PICALM: variants seen among roughly 807,000 people sequenced by gnomAD.
PICALM encodes the protein phosphatidylinositol-binding clathrin assembly protein.
A neutral mutation model predicts 80.5 loss-of-function variants in PICALM; 40 were observed. The ratio of observed to expected loss-of-function variants is 0.50; its 90% confidence interval spans 0.39 to 0.65. The LOEUF is 0.65. Ranked by LOEUF, PICALM falls within the 30% of genes least tolerant of loss-of-function variation. The pLI is 0.00. For missense variants in PICALM, 676 were observed against 778.9 expected, an observed-to-expected ratio of 0.87 and a Z score of 1.57; for synonymous variants, 288 against 260.3, an observed-to-expected ratio of 1.11 and a Z score of -1.02.
chr11:85,988,688 GAA>G (rs2094660428), intron 13 of PICALM, among the ~76,000 whole-genome samples: 1 of 151,976 alleles, frequency 6.6e-6, no homozygotes, highest in Admixed American at 6.6e-5. Context: ...AGAAAAAAAA[GAA>G]AGAGAAGAGG....
intron 19 of PICALM, among the ~76,000 whole-genome samples, chr11:85,963,358 T>C (rs74439283): frequency 0.029 from 4,418 of 151,912 alleles, 220 homozygotes; most frequent in African/African-American, 0.1. Context: ...CTATCACAAA[T>C]AAAATTAAAA....
intron 1 of PICALM, among the ~76,000 whole-genome samples, chr11:86,063,331 C>G (rs183336550): frequency 2.6e-5 from 4 of 151,418 alleles, no homozygotes; most frequent in Admixed American, 2.6e-4. Flanking sequence ...TCAAAGACAC[C>G]TTTAAAAATT....
rs559836980 is a variant in PICALM, at chr11:86,000,945, C to T, written c.1017+90G>A. ...AGTTTCAGCCCATTAGGTAGCTATACATTTAAGACTCTAAGTCTGTGCAGA... is the reference window on the plus strand; with the variant it reads ...AGTTTCAGCCCATTAGGTAGCTATATATTTAAGACTCTAAGTCTGTGCAGA... On this transcript the variant is annotated intron_variant, in intron 10 of 19. Transcript: ENST00000393346. 6 of 1,520,900 alleles carry T rather than the reference C, an allele frequency of 3.9e-6. No individual in the cohort carries two copies. The African/African-American group carries it at 5.5e-5, about 14-fold the overall frequency. 94.2% of individuals were successfully genotyped at this position (1,520,900 alleles called of 1,614,324 possible). A position where few individuals can be genotyped will look rare whatever the true frequency, so the allele number is the denominator to read the frequency against.
intron 1 of PICALM, among the ~76,000 whole-genome samples, chr11:86,062,737 T>C (rs1033842539): frequency 8.5e-5 from 13 of 152,198 alleles, no homozygotes; most frequent in African/African-American, 3.1e-4. Context: ...AGATTCTCTT[T>C]TAAAGAACTA....
chr11:86,049,527 G>C (rs2137287286), intron 1 of PICALM, among the ~76,000 whole-genome samples: 1 of 152,070 alleles, frequency 6.6e-6, no homozygotes, highest in East Asian at 1.9e-4. Flanking sequence ...GTTAATTGGA[G>C]AAATTCATTT....
At chr11:86,064,017 A>G (rs597446) in intron 1 of PICALM, among the ~76,000 whole-genome samples, 91,497 of 151,968 alleles carry the variant, frequency 0.6, 27,734 homozygotes, top group East Asian at 0.67. Context: ...ACGCAAACTA[A>G]GCACCCATAA....
At chr11:86,009,363 T>A (rs1208153576) in intron 7 of PICALM, among the ~76,000 whole-genome samples, 1 of 137,496 alleles carries the variant, frequency 7.3e-6, no homozygotes, top group Non-Finnish European at 1.5e-5. Context: ...TAAGAATAAG[T>A]TAACAGCAGA....
At chr11:86,039,209 A>C (rs1401863835) in intron 1 of PICALM, among the ~76,000 whole-genome samples, 1 of 152,122 alleles carries the variant, frequency 6.6e-6, no homozygotes, top group Non-Finnish European at 1.5e-5. Flanking sequence ...TGAATGGACT[A>C]AGATTCCCAC....
chr11:86,031,447 G>C, intron 2 of PICALM, 22 bp downstream of exon 2: 1 of 1,590,632 alleles, frequency 6.3e-7, no homozygotes, highest in Non-Finnish European at 8.6e-7. Context: ...CAGTATACTT[G>C]TTCAATAAAA....
At position 85,974,780 on chromosome 11, in the gene PICALM, C is replaced by T. The variant is rs769473917; in HGVS notation, c.1872G>A (p.Thr624=). 14 of 1,613,410 alleles carry T rather than the reference C, an allele frequency of 8.7e-6. No individual in the cohort carries two copies. The highest frequency in any genetic ancestry group is 2.2e-5 in the East Asian group (1 of 44,856). ...GCTGGCTGTATATTAAGGTTGGTTG[C>T]GTCATTACAGGAACACTTCCCATTT... ...PPQMGSVPVM[T]QPTLIYSQPV... Residue 624 remains threonine (T), a synonymous_variant, in exon 19 of 20, where the codon ACG becomes ACA. Coordinates refer to ENST00000393346, the MANE Select transcript of PICALM (RefSeq NM_007166.4).
intron 4 of PICALM, among the ~76,000 whole-genome samples, chr11:86,020,342 A>G (rs989559203): frequency 1.3e-5 from 2 of 150,092 alleles, no homozygotes; most frequent in Non-Finnish European, 3.0e-5. Context: ...AATCCCAGCT[A>G]TCTTTTCTGC....
chr11:86,007,489 T>C, intron 8 of PICALM, 53 bp downstream of exon 8: 2 of 1,029,374 alleles, frequency 1.9e-6, no homozygotes, highest in Non-Finnish European at 3.1e-6. Flanking sequence ...CTTAATACTC[T>C]TCACAACTTG....
chr11:86,067,370 T>C lies in PICALM; in HGVS notation c.130+1281A>G, dbSNP rs372919150. ...AAAGGGAACTTACTTATCGTGACTATTGCCCTATTTTTCCCTGAAAAGTTT... is the reference window on the plus strand; with the variant it reads ...AAAGGGAACTTACTTATCGTGACTACTGCCCTATTTTTCCCTGAAAAGTTT... On this transcript the variant is annotated intron_variant, in intron 1 of 19. Transcript: ENST00000393346. Among the ~76,000 whole-genome samples the C allele has an allele frequency of 6.6e-5, 10 of 152,352 alleles. No individual in the cohort carries two copies. In the East Asian group the frequency reaches 1.5e-3, roughly 23 times the overall value.
chr11:85,976,657 G>C lies in PICALM; in HGVS notation c.1805C>G (p.Ala602Gly), dbSNP rs1339334979. ...TMAPPVMAYP[A>G]TTPTGMIGYG... ...TCCTATCATGCCTGTTGGTGTAGTA[G>C]CAGGATAGGCCATTACAGGGGGTGC... The change falls in exon 18 of 20, where the codon GCT becomes GGT. Residue 602 changes from alanine (A) to glycine (G), a missense_variant. By Grantham distance (60) the Ala-to-Gly change is moderately conservative. Around this residue, in one of 2 missense-constraint regions of PICALM, gnomAD observed 391 missense variants for 383.6 expected, o/e 1.02. Coordinates refer to ENST00000393346, the MANE Select transcript of PICALM (RefSeq NM_007166.4). 6.2e-7 allele frequency: 1 copy of C among 1,603,978 alleles called. No homozygotes were observed. The highest frequency in any genetic ancestry group is 1.3e-5 in the African/African-American group (1 of 74,748).
At chr11:86,017,416 T>C (rs1467052539) in intron 4 of PICALM, among the ~76,000 whole-genome samples, 1 of 152,172 alleles carries the variant, frequency 6.6e-6, no homozygotes, top group Non-Finnish European at 1.5e-5. Flanking sequence ...TCACCTAAGA[T>C]TGTAAAGCTT....
At chr11:85,984,026 C>A in intron 13 of PICALM, 53 bp from the exon 14 acceptor site, 3 of 779,250 alleles carry the variant, frequency 3.8e-6, no homozygotes, top group South Asian at 3.2e-5. Flanking sequence ...TCTACATTTA[C>A]GACTATTTAA....
chr11:85,999,612 A>G (rs1293499475), intron 11 of PICALM, among the ~76,000 whole-genome samples: 1 of 152,250 alleles, frequency 6.6e-6, no homozygotes, highest in Non-Finnish European at 1.5e-5. Flanking sequence ...ACACCTACTA[A>G]GATTTCAGGG....
At chr11:85,977,625 A>G (rs1339372985) in intron 17 of PICALM, among the ~76,000 whole-genome samples, 1 of 152,268 alleles carries the variant, frequency 6.6e-6, no homozygotes, top group Non-Finnish European at 1.5e-5. Context: ...TTATAAGTTT[A>G]GTATTCGGGT....
rs528661916 is a variant in PICALM, at chr11:86,068,510, A to T, written c.130+141T>A. On this transcript the variant is annotated intron_variant, in intron 1 of 19. Coordinates refer to ENST00000393346, the MANE Select transcript of PICALM (RefSeq NM_007166.4). ...TGATGGAAGCAAAAGAACACAGCTC[A>T]ACGGGCACAGGACCGGCCGTGCCAG... The T allele has an allele frequency of 1.9e-5, 14 of 739,420 alleles. No homozygotes were observed. The East Asian group carries it at 3.9e-4, about 21-fold the overall frequency. 45.8% of individuals were successfully genotyped at this position (739,420 alleles called of 1,614,324 possible).
Sources: gnomAD v4.1 joint callset for allele counts (sites outside exome capture counted in the v4.1 genomes callset) on GRCh38, gnomAD v4.1.1 for gene constraint, gnomAD v4.1.1 regional missense constraint, MANE v1.5 for transcripts, NCBI Gene and HGNC (gene_info 2026-07-23, HGNC 2026-07-21) for gene names.